NTNG1: variants seen among roughly 807,000 people sequenced by gnomAD.
NTNG1 encodes the protein netrin-G1.
NTNG1 carries 16 observed loss-of-function variants against 54.0 expected under a neutral mutation model. That is an observed-to-expected ratio of 0.30 (90% CI 0.20 to 0.45). The LOEUF is 0.45. Ranked by LOEUF, NTNG1 falls within the 20% of genes least tolerant of loss-of-function variation. The probability of loss-of-function intolerance (pLI) is 1.00; values close to 1 mark genes in which losing one functional copy is unlikely to be tolerated. For missense variants in NTNG1, 530 were observed against 678.7 expected (o/e 0.78, Z 2.43); for synonymous variants, 255 against 263.1 (o/e 0.97, Z 0.30).
intron 2 of NTNG1, among the ~76,000 whole-genome samples, chr1:107,278,893 C>G (rs566316525): frequency 1.8e-4 from 27 of 152,238 alleles, no homozygotes; most frequent in African/African-American, 6.0e-4. Flanking sequence ...TCTACTTTCC[C>G]TTCTCCCATT....
At chr1:107,379,031 A>G (rs1488918053) in intron 3 of NTNG1, among the ~76,000 whole-genome samples, 1 of 152,194 alleles carries the variant, frequency 6.6e-6, no homozygotes, top group Non-Finnish European at 1.5e-5. Context: ...TGGCATATCT[A>G]TTTGACTTTT....
chr1:107,375,819 A>G (rs1234042831), intron 3 of NTNG1, among the ~76,000 whole-genome samples: 1 of 152,164 alleles, frequency 6.6e-6, no homozygotes, highest in Non-Finnish European at 1.5e-5. Context: ...ACCAGCTCAG[A>G]ATCATAGTCT....
chr1:107,200,590 G>C lies in NTNG1; in HGVS notation c.246+51751G>C, dbSNP rs145031124. ...AGATTTTCATTGTTGTTGTTTCACCGTCCTTTTAATACTCTTTCATGAGGA... is the reference window on the plus strand; with the variant it reads ...AGATTTTCATTGTTGTTGTTTCACCCTCCTTTTAATACTCTTTCATGAGGA... On this transcript the variant is annotated intron_variant, in intron 2 of 7. Coordinates refer to ENST00000370068, the MANE Select transcript of NTNG1 (RefSeq NM_001113226.3). 9.9e-3 allele frequency among the ~76,000 whole-genome samples: 1,509 copies of C among 151,710 alleles called. 12 individuals are homozygous for C. Among genetic ancestry groups the C allele is most frequent in the Non-Finnish European group, 0.014 (937 of 67,724 alleles).
intron 2 of NTNG1, among the ~76,000 whole-genome samples, chr1:107,253,808 T>C (rs1662761812): frequency 6.6e-6 from 1 of 152,234 alleles, no homozygotes; most frequent in Non-Finnish European, 1.5e-5. Context: ...AACATTTGTG[T>C]CACACTTTCC....
At chr1:107,154,913 C>T (rs1321625435) in intron 2 of NTNG1, among the ~76,000 whole-genome samples, 2 of 151,928 alleles carry the variant, frequency 1.3e-5, no homozygotes, top group East Asian at 1.9e-4. Flanking sequence ...AAGATTTAAC[C>T]GAATGCAGAG....
At chr1:107,291,454 G>A (rs765202233) in intron 2 of NTNG1, among the ~76,000 whole-genome samples, 2 of 152,090 alleles carry the variant, frequency 1.3e-5, no homozygotes, top group Non-Finnish European at 2.9e-5. Flanking sequence ...CCCATGTGTC[G>A]TTCAAGGATC....
chr1:107,372,403 CTT>C (rs1450462642), intron 3 of NTNG1, among the ~76,000 whole-genome samples: 1 of 151,786 alleles, frequency 6.6e-6, no homozygotes, highest in Non-Finnish European at 1.5e-5. Flanking sequence ...AAAAGGGAAA[CTT>C]TTTGAGATTT....
chr1:107,185,344 A>G (rs1469145312), intron 2 of NTNG1, among the ~76,000 whole-genome samples: 2 of 152,082 alleles, frequency 1.3e-5, no homozygotes, highest in Non-Finnish European at 2.9e-5. Context: ...AGATTCCTAT[A>G]GCTTGTGGTG....
chr1:107,167,037 T>C (rs2101075348), intron 2 of NTNG1, among the ~76,000 whole-genome samples: 1 of 152,248 alleles, frequency 6.6e-6, no homozygotes, highest in South Asian at 2.1e-4. Context: ...CATTCTGTAA[T>C]CCCAGCCCAA....
chr1:107,343,106 A>G (rs904135375), intron 3 of NTNG1, among the ~76,000 whole-genome samples: 1 of 152,138 alleles, frequency 6.6e-6, no homozygotes, highest in South Asian at 2.1e-4. Flanking sequence ...ACTTTATTAG[A>G]TGTTGTCACA....
chr1:107,442,179 T>A (rs1256784055), intron 7 of NTNG1, among the ~76,000 whole-genome samples: 1 of 152,146 alleles, frequency 6.6e-6, no homozygotes. Context: ...GAAGAAGCAG[T>A]CTGAGGAGCT....
intron 3 of NTNG1, among the ~76,000 whole-genome samples, chr1:107,353,331 A>T (rs1002290648): frequency 1.2e-4 from 19 of 152,120 alleles, no homozygotes; most frequent in African/African-American, 4.6e-4. Flanking sequence ...TTAGAAATTT[A>T]TTTTGCCAGA....
intron 2 of NTNG1, among the ~76,000 whole-genome samples, chr1:107,292,855 T>C (rs1665707659): frequency 6.6e-6 from 1 of 152,130 alleles, no homozygotes; most frequent in African/African-American, 2.4e-5. Flanking sequence ...AACTGTGCAC[T>C]TGTCTTTCAA....
At chr1:107,246,060 T>G (rs1468154249) in intron 2 of NTNG1, among the ~76,000 whole-genome samples, 3 of 152,102 alleles carry the variant, frequency 2.0e-5, no homozygotes, top group African/African-American at 7.2e-5. Context: ...TTTTGTTTTG[T>G]TTTGTTTTGG....
At chr1:107,423,686 C>T (rs1570931787) in intron 5 of NTNG1, among the ~76,000 whole-genome samples, 1 of 152,084 alleles carries the variant, frequency 6.6e-6, no homozygotes, top group African/African-American at 2.4e-5. Flanking sequence ...CTATATAAAA[C>T]CACAGCAATT....
intron 2 of NTNG1, among the ~76,000 whole-genome samples, chr1:107,271,240 G>A (rs1351698846): frequency 6.6e-6 from 1 of 152,026 alleles, no homozygotes; most frequent in Non-Finnish European, 1.5e-5. Context: ...GGGTACATGT[G>A]CACAATGTGC....
chr1:107,284,590 T>C (rs1665076908), intron 2 of NTNG1, among the ~76,000 whole-genome samples: 1 of 152,020 alleles, frequency 6.6e-6, no homozygotes, highest in African/African-American at 2.4e-5. Context: ...TGCAGTAACA[T>C]GGAAAATGTT....
Position 107,264,200 on chromosome 1 carries a change from C to T in NTNG1, c.247-60082C>T, listed in dbSNP as rs540295935. Among the ~76,000 whole-genome samples, 44 of 152,144 alleles carry T rather than the reference C, an allele frequency of 2.9e-4. 1 individual carries two copies. In the South Asian group the frequency reaches 3.5e-3, roughly 12 times the overall value. On this transcript the variant is annotated intron_variant, in intron 2 of 7. Transcript: ENST00000370068. The stretch of plus-strand genomic sequence containing the variant: ...TATTTTTCAGAATTCTTAGCCACAC[C>T]CCCTCCCCTCACCACCACCGTTTTT...
At chr1:107,476,381 C>A (rs1166045230) in intron 7 of NTNG1, among the ~76,000 whole-genome samples, 2 of 152,122 alleles carry the variant, frequency 1.3e-5, no homozygotes, top group African/African-American at 4.8e-5. Flanking sequence ...ACCCCAGCTC[C>A]AAATTTGTGT....
Sources: gnomAD v4.1 joint callset for allele counts (sites outside exome capture counted in the v4.1 genomes callset) on GRCh38, gnomAD v4.1.1 for gene constraint, MANE v1.5 for transcripts, NCBI Gene and HGNC (gene_info 2026-07-23, HGNC 2026-07-21) for gene names.